Variants in ROBO2 observed in about 807,000 individuals in gnomAD.
ROBO2 encodes roundabout guidance receptor 2, also known as roundabout homolog 2.
A neutral mutation model predicts 160.8 loss-of-function variants in ROBO2; 53 were observed. The ratio of observed to expected loss-of-function variants is 0.33; its 90% confidence interval spans 0.26 to 0.41. The LOEUF (loss-of-function observed/expected upper bound fraction) is 0.41, where lower values mean the gene tolerates loss of function less well. Among genes scored for constraint, ROBO2 ranks in the 10% least tolerant of loss-of-function variants. ROBO2 has a pLI of 1.00. For missense variants in ROBO2, 1,577 were observed against 1,722.4 expected (o/e 0.92, Z 1.49); for synonymous variants, 664 against 611.7 (o/e 1.09, Z -1.26).
In ROBO2 at chr3:76,217,095, G is replaced by A. The variant is rs572263809; in HGVS notation, c.109+279493G>A. Among the ~76,000 whole-genome samples the A allele has an allele frequency of 4.4e-3, 672 of 152,164 alleles. 3 individuals carry two copies. Among genetic ancestry groups the A allele is most frequent in the African/African-American group, 0.015 (642 of 41,500 alleles). ...TAACGAAATGAAGGCAGAAATAAAG[G>A]TGTTCTTTGAAACCAACGAGAACAA... On this transcript the variant is annotated intron_variant, in intron 2 of 26. Coordinates refer to the ROBO2 transcript ENST00000487694.
chr3:76,971,025 G>C (rs1378496306), intron 2 of ROBO2, among the ~76,000 whole-genome samples: 2 of 152,074 alleles, frequency 1.3e-5, no homozygotes, highest in Non-Finnish European at 2.9e-5. Context: ...GTTCATATCT[G>C]TCTGATTCTT....
chr3:76,247,103 C>T (rs935284491), intron 2 of ROBO2, among the ~76,000 whole-genome samples: 3 of 151,830 alleles, frequency 2.0e-5, no homozygotes, highest in East Asian at 1.9e-4. Context: ...AGAGAAACAT[C>T]GTTTCCATAC....
chr3:76,463,493 G>A (rs375734761), intron 2 of ROBO2, among the ~76,000 whole-genome samples: 13 of 152,188 alleles, frequency 8.5e-5, no homozygotes, highest in African/African-American at 3.1e-4. Flanking sequence ...GTACTCTACT[G>A]GCAGTTCTGG....
chr3:77,478,212 C>G (rs1467484171), intron 3 of ROBO2, among the ~76,000 whole-genome samples: 1 of 152,092 alleles, frequency 6.6e-6, no homozygotes, highest in Non-Finnish European at 1.5e-5. Flanking sequence ...AGCCATAAAC[C>G]ACATTAACTA....
chr3:76,944,914 A>T (rs765904608), intron 2 of ROBO2, among the ~76,000 whole-genome samples: 1 of 150,674 alleles, frequency 6.6e-6, no homozygotes, highest in Non-Finnish European at 1.5e-5. Context: ...TTTTAGACGG[A>T]GTCTCGCTCT....
At chr3:77,635,903 T>C (rs1189005979) in intron 24 of ROBO2, among the ~76,000 whole-genome samples, 1 of 152,202 alleles carries the variant, frequency 6.6e-6, no homozygotes, top group Non-Finnish European at 1.5e-5. Context: ...TCCACAAATC[T>C]GGACTCTGCA....
At chr3:76,838,020 G>C (rs928981756) in intron 2 of ROBO2, among the ~76,000 whole-genome samples, 32 of 151,854 alleles carry the variant, frequency 2.1e-4, no homozygotes, top group African/African-American at 7.7e-4. Context: ...GTTTCATTAC[G>C]CTAGACAATA....
chr3:76,381,112 A>T (rs972506114), intron 2 of ROBO2, among the ~76,000 whole-genome samples: 2 of 151,914 alleles, frequency 1.3e-5, no homozygotes, highest in Non-Finnish European at 2.9e-5. Context: ...ACACAGATAG[A>T]TAGCAACTGG....
At chr3:76,825,324 T>A (rs185027910) in intron 2 of ROBO2, among the ~76,000 whole-genome samples, 1 of 152,286 alleles carries the variant, frequency 6.6e-6, no homozygotes, top group East Asian at 1.9e-4. Flanking sequence ...TATAATGTGC[T>A]TGCTGTTTTA....
At chr3:76,203,344 T>C (rs552571211) in intron 2 of ROBO2, among the ~76,000 whole-genome samples, 1 of 152,332 alleles carries the variant, frequency 6.6e-6, no homozygotes, top group Non-Finnish European at 1.5e-5. Flanking sequence ...TGCCTCAGGC[T>C]ATCAGCTTCC....
chr3:76,820,537 A>G (rs1228243499), intron 2 of ROBO2, among the ~76,000 whole-genome samples: 2 of 152,036 alleles, frequency 1.3e-5, no homozygotes, highest in Non-Finnish European at 2.9e-5. Flanking sequence ...ATGTTGTTGT[A>G]TTTCAGTTTT....
intron 2 of ROBO2, among the ~76,000 whole-genome samples, chr3:77,331,907 T>C (rs2153442832): frequency 6.6e-6 from 1 of 152,256 alleles, no homozygotes; most frequent in South Asian, 2.1e-4. Context: ...GGTTTCACCA[T>C]GTTGGTCAGG....
intron 2 of ROBO2, among the ~76,000 whole-genome samples, chr3:77,310,238 T>C (rs1048230430): frequency 3.9e-5 from 6 of 152,144 alleles, no homozygotes; most frequent in African/African-American, 1.4e-4. Context: ...AAATCTAACA[T>C]TGGTAAAATT....
chr3:76,517,931 T>A (rs2081418770), intron 2 of ROBO2, among the ~76,000 whole-genome samples: 1 of 152,172 alleles, frequency 6.6e-6, no homozygotes, highest in Non-Finnish European at 1.5e-5. Flanking sequence ...TTAATAACTG[T>A]CACTTTGGAA....
chr3:77,116,484 C>G (rs1560043698), intron 2 of ROBO2, among the ~76,000 whole-genome samples: 1 of 152,252 alleles, frequency 6.6e-6, no homozygotes, highest in East Asian at 1.9e-4. Flanking sequence ...GGCTTGAGAA[C>G]TGTGTGATGT....
At chr3:76,293,759 T>G (rs1418317970) in intron 2 of ROBO2, among the ~76,000 whole-genome samples, 2 of 152,326 alleles carry the variant, frequency 1.3e-5, no homozygotes, top group Non-Finnish European at 2.9e-5. Context: ...AGAACTTCCT[T>G]GGATTTGCAA....
chr3:77,048,785 A>G (rs901413571), intron 1 of ROBO2, among the ~76,000 whole-genome samples: 1 of 152,216 alleles, frequency 6.6e-6, no homozygotes, highest in Non-Finnish European at 1.5e-5. Context: ...ATCAGAAAGG[A>G]TAGCCTGAAT....
intron 2 of ROBO2, among the ~76,000 whole-genome samples, chr3:77,337,031 A>G (rs1250988840): frequency 6.6e-6 from 1 of 152,190 alleles, no homozygotes; most frequent in African/African-American, 2.4e-5. Flanking sequence ...AAGAAGGAAA[A>G]ACCATCTACA....
chr3:76,750,371 C>T lies in ROBO2; in HGVS notation c.110-347643C>T, dbSNP rs368823443. Among the ~76,000 whole-genome samples, 985 of 152,186 alleles carry T rather than the reference C, an allele frequency of 6.5e-3. 5 individuals carry two copies. Among genetic ancestry groups the T allele is most frequent in the Middle Eastern group, 0.024 (7 of 294 alleles). ...AATGGGCAAAAACTGGAAGCATTCC[C>T]TTTGAAAACTGGCACAAGACAGGGA... On this transcript the variant is annotated intron_variant, in intron 2 of 26. Coordinates refer to the ROBO2 transcript ENST00000487694.
Sources: gnomAD v4.1 joint callset for allele counts (sites outside exome capture counted in the v4.1 genomes callset) on GRCh38, gnomAD v4.1.1 for gene constraint, MANE v1.5 for transcripts, NCBI Gene and HGNC (gene_info 2026-07-23, HGNC 2026-07-21) for gene names.